The following PDE11A variants were observed in gnomAD, a reference collection of about 807,000 sequenced individuals.
The protein encoded by PDE11A is dual 3',5'-cyclic-AMP and -GMP phosphodiesterase 11A.
PDE11A carries 100 observed loss-of-function variants against 100.5 expected under a neutral mutation model. The observed-to-expected ratio is 1.00, with a 90% confidence interval of 0.85 to 1.18. The LOEUF (loss-of-function observed/expected upper bound fraction) is 1.18. Ranked by LOEUF, PDE11A falls within the 50% of genes most tolerant of loss-of-function variation. The pLI is 0.00. For synonymous variants in PDE11A, 381 were observed against 420.8 expected, an observed-to-expected ratio of 0.91 and a Z score of 1.16; for missense variants, 1,141 against 1,152.6, an observed-to-expected ratio of 0.99 and a Z score of 0.15.
At chr2:178,097,238 C>A (rs1180427982) in intron 2 of PDE11A, among the ~76,000 whole-genome samples, 1 of 152,104 alleles carries the variant, frequency 6.6e-6, no homozygotes, top group Non-Finnish European at 1.5e-5. Context: ...ACCCCTGGTA[C>A]CAATTTACTA....
chr2:177,995,451 C>A (rs1483674961), intron 2 of PDE11A, among the ~76,000 whole-genome samples: 2 of 152,076 alleles, frequency 1.3e-5, no homozygotes, highest in South Asian at 2.1e-4. Context: ...AATGAAGACA[C>A]CTGCTTTGGA....
chr2:177,665,011 A>G (rs2080547213), intron 18 of PDE11A, among the ~76,000 whole-genome samples: 1 of 152,140 alleles, frequency 6.6e-6, no homozygotes, highest in South Asian at 2.1e-4. Context: ...TGAGGAAAAT[A>G]TCTCCAAATT....
chr2:178,037,413 A>C (rs1293066574), intron 1 of PDE11A, among the ~76,000 whole-genome samples: 1 of 152,186 alleles, frequency 6.6e-6, no homozygotes, highest in Non-Finnish European at 1.5e-5. Flanking sequence ...ACACGTTTAC[A>C]CCATTGGTGG....
At chr2:177,758,179 C>T (rs550994415) in intron 10 of PDE11A, among the ~76,000 whole-genome samples, 1 of 151,166 alleles carries the variant, frequency 6.6e-6, no homozygotes, top group African/African-American at 2.4e-5. Flanking sequence ...CGCCTGTAGT[C>T]CCAGCTACTC....
rs932762203 is a variant in PDE11A at position 177,832,012 on chromosome 2, G to GC, written c.1500+8238dup. ...GTCAGGAAGGAGCACGGCAGGAGAG[G>GC]CCCCCCCTGACCCCTCCACGAATGT... is the stretch of plus-strand genomic sequence containing the variant. On this transcript the variant is annotated intron_variant, in intron 6 of 19. Transcript: ENST00000286063. Among the ~76,000 whole-genome samples, 70 of 152,170 alleles carry GC rather than the reference G, an allele frequency of 4.6e-4. No homozygotes were observed. The East Asian group carries it at 8.3e-3, about 18-fold the overall frequency.
chr2:178,062,737 T>C (rs2086988671), intron 1 of PDE11A, among the ~76,000 whole-genome samples: 1 of 152,208 alleles, frequency 6.6e-6, no homozygotes, highest in African/African-American at 2.4e-5. Flanking sequence ...AATTTTTTAA[T>C]TGAAAAATGT....
chr2:177,895,465 A>G (rs1260454854), intron 4 of PDE11A, among the ~76,000 whole-genome samples: 2 of 151,888 alleles, frequency 1.3e-5, no homozygotes, highest in Non-Finnish European at 2.9e-5. Context: ...GAGGCAGGAG[A>G]ATTGCTTGAA....
At chr2:177,784,983 G>A (rs2082511577) in intron 9 of PDE11A, among the ~76,000 whole-genome samples, 1 of 152,098 alleles carries the variant, frequency 6.6e-6, no homozygotes, top group African/African-American at 2.4e-5. Flanking sequence ...CTTAAGACAG[G>A]CTGTTTCCTT....
chr2:178,000,129 C>T (rs1375740509), intron 2 of PDE11A, among the ~76,000 whole-genome samples: 1 of 152,032 alleles, frequency 6.6e-6, no homozygotes, highest in Non-Finnish European at 1.5e-5. Context: ...CATATCTAGC[C>T]AGGATATTAT....
intron 2 of PDE11A, among the ~76,000 whole-genome samples, chr2:177,982,360 AT>A (rs1374500708): frequency 6.6e-6 from 1 of 150,662 alleles, no homozygotes; most frequent in African/African-American, 2.4e-5. Context: ...AATGATATAT[AT>A]TTTTGCCCCA....
chr2:177,722,035 G>C (rs1019699509), intron 12 of PDE11A, among the ~76,000 whole-genome samples: 1 of 152,070 alleles, frequency 6.6e-6, no homozygotes. Flanking sequence ...TCTGCTGCTG[G>C]GTCTCCCTGA....
At chr2:177,953,978 T>C (rs148618137) in intron 2 of PDE11A, among the ~76,000 whole-genome samples, 2 of 152,054 alleles carry the variant, frequency 1.3e-5, no homozygotes, top group African/African-American at 4.8e-5. Flanking sequence ...TTTGCAAATA[T>C]GCCTTAGTGG....
rs1336711790 is a variant in PDE11A at position 177,977,362 on chromosome 2, C to G, written c.1071+36940G>C. 3.7e-4 allele frequency among the ~76,000 whole-genome samples: 55 copies of G among 147,708 alleles called. 2 individuals carry two copies. Among genetic ancestry groups the G allele is most frequent in the Non-Finnish European group, 4.7e-4 (31 of 66,356 alleles). On this transcript the variant is annotated intron_variant, in intron 2 of 19. Coordinates refer to ENST00000286063, the MANE Select transcript of PDE11A (RefSeq NM_016953.4). ...ACAATTGCTTCAGAGAATAAAATAC[C>G]TAGGAATCCAACTTACAAGGGATGT...
At chr2:177,659,214 T>G (rs2080436810) in intron 19 of PDE11A, among the ~76,000 whole-genome samples, 1 of 133,496 alleles carries the variant, frequency 7.5e-6, no homozygotes, top group African/African-American at 2.9e-5. Context: ...TGAGGCGAGA[T>G]CAAGCCATTG....
chr2:178,010,703 AAAAAG>A (rs1477197460), intron 2 of PDE11A, among the ~76,000 whole-genome samples: 2 of 152,246 alleles, frequency 1.3e-5, no homozygotes, highest in Admixed American at 1.3e-4. Context: ...GGCTCTGTAG[AAAAAG>A]AAAAGAAGAA....
chr2:177,714,079 C>T (rs930396991), intron 12 of PDE11A, among the ~76,000 whole-genome samples: 20 of 145,806 alleles, frequency 1.4e-4, no homozygotes, highest in Admixed American at 3.6e-4. Flanking sequence ...CTGCAAGCTC[C>T]GCTTCCCAGG....
intron 17 of PDE11A, among the ~76,000 whole-genome samples, chr2:177,670,773 C>T (rs551132916): frequency 6.6e-6 from 1 of 152,314 alleles, no homozygotes; most frequent in African/African-American, 2.4e-5. Context: ...CTCACACACA[C>T]ACATCTGAGA....
intron 19 of PDE11A, among the ~76,000 whole-genome samples, chr2:177,645,549 T>A (rs2080211615): frequency 1.3e-5 from 2 of 152,232 alleles, no homozygotes; most frequent in Non-Finnish European, 2.9e-5. Context: ...AGTATAGCAT[T>A]GGCTTTTCTA....
intron 12 of PDE11A, among the ~76,000 whole-genome samples, chr2:177,713,595 C>T (rs370269310): frequency 4.1e-4 from 62 of 151,994 alleles, no homozygotes; most frequent in Admixed American, 1.3e-3. Context: ...CTTGGTGGCA[C>T]GCGCCTGTAA....
Sources: gnomAD v4.1 joint callset for allele counts (sites outside exome capture counted in the v4.1 genomes callset) on GRCh38, gnomAD v4.1.1 for gene constraint, MANE v1.5 for transcripts, NCBI Gene and HGNC (gene_info 2026-07-23, HGNC 2026-07-21) for gene names.